Variants in TUT7 observed in about 807,000 individuals in gnomAD.
The protein encoded by TUT7 is terminal uridylyltransferase 7.
TUT7 carries 33 observed loss-of-function variants against 165.9 expected under a neutral mutation model. The observed-to-expected ratio is 0.20, with a 90% CI of 0.15 to 0.27. The LOEUF (loss-of-function observed/expected upper bound fraction) is 0.27. Among genes scored for constraint, TUT7 ranks in the 10% least tolerant of loss-of-function variants. The probability of loss-of-function intolerance (pLI) is 1.00; values close to 1 mark genes in which losing one functional copy is unlikely to be tolerated. For missense variants in TUT7, 1,338 were observed against 1,762.3 expected, an observed-to-expected ratio of 0.76 and a Z score of 4.31; for synonymous variants, 552 against 608.1, an observed-to-expected ratio of 0.91 and a Z score of 1.36.
At chr9:86,342,408 T>C (rs1756838913) in intron 6 of TUT7, among the ~76,000 whole-genome samples, 1 of 152,192 alleles carries the variant, frequency 6.6e-6, no homozygotes, top group African/African-American at 2.4e-5. Flanking sequence ...TTCAGTTTTT[T>C]GTTTTTTTAA....
rs960875330 is a variant in TUT7, at chr9:86,308,495, T to C, written c.3772A>G (p.Ile1258Val). 1.2e-6 allele frequency: 2 copies of C among 1,613,988 alleles called. No homozygotes were observed. Among genetic ancestry groups the C allele is most frequent in the African/African-American group, 2.7e-5 (2 of 74,916 alleles). ...EFDFKEHVIS[I>V]RRKSLLTTFK... ...GTTGTAAGCAGACTTTTTCTCCTGA[T>C]GCTAATAACATGTTCTTTAAAATCA... is the stretch of plus-strand genomic sequence containing the variant. The change falls in exon 22 of 27, where the codon ATC becomes GTC. Residue 1258 changes from isoleucine to valine, a missense_variant. By Grantham distance (29) the Ile-to-Val change is conservative. Transcript: ENST00000375963.
chr9:86,334,478 T>A (rs1272796777), intron 10 of TUT7, among the ~76,000 whole-genome samples: 2 of 152,330 alleles, frequency 1.3e-5, no homozygotes, highest in Non-Finnish European at 2.9e-5. Flanking sequence ...TTGGCTTCAG[T>A]GGCAGGATTC....
At chr9:86,328,318 C>T (rs1829986493) in intron 11 of TUT7, 22 bp downstream of exon 11, 1 of 1,540,738 alleles carries the variant, frequency 6.5e-7, no homozygotes, top group African/African-American at 1.4e-5. Flanking sequence ...AAACTGACAA[C>T]TAGAAACAAA....
intron 5 of TUT7, 38 bp from the exon 6 acceptor site, chr9:86,343,201 G>A: frequency 7.8e-7 from 1 of 1,275,558 alleles, no homozygotes; most frequent in Non-Finnish European, 1.1e-6. Flanking sequence ...AATAAATACA[G>A]TAGAATTTCT....
In TUT7 at chr9:86,353,071, A is replaced by G. The variant is rs1259010049; in HGVS notation, c.129T>C (p.His43=). Residue 43 remains histidine, a synonymous_variant, in exon 2 of 27, where the codon CAT becomes CAC. Transcript: ENST00000375963. ...YLIIDDHAKG[H]GSKMEKGLQK... The stretch of plus-strand genomic sequence containing the variant: ...GAAGGCCCTTTTCCATTTTACTGCC[A>G]TGGCCTTTAGCATGGTCATCTATTA... The G allele has an allele frequency of 6.2e-7, 1 of 1,614,156 alleles. No homozygotes were observed. Among genetic ancestry groups the G allele is most frequent in the Non-Finnish European group, 8.5e-7 (1 of 1,180,030 alleles).
chr9:86,336,156 C>G (rs575687912), intron 10 of TUT7, among the ~76,000 whole-genome samples: 1 of 152,220 alleles, frequency 6.6e-6, no homozygotes, highest in East Asian at 1.9e-4. Context: ...CCAACTTGTG[C>G]CAGGGTTTTT....
At position 86,307,726 on chromosome 9, in the gene TUT7, G is replaced by A. The variant is rs560614792; in HGVS notation, c.3838+703C>T. On this transcript the variant is annotated intron_variant, in intron 22 of 26. Coordinates refer to ENST00000375963, the MANE Select transcript of TUT7 (RefSeq NM_024617.4). The stretch of plus-strand genomic sequence containing the variant: ...AAAGATAAGGTGGCCAGGCGCAGTG[G>A]CTCACATCTGTAATCCCAGCACTTT... 9.8e-5 allele frequency among the ~76,000 whole-genome samples: 15 copies of A among 152,288 alleles called. No individual in the cohort carries two copies. The South Asian group carries it at 3.1e-3, about 32-fold the overall frequency.
intron 10 of TUT7, among the ~76,000 whole-genome samples, chr9:86,333,197 T>C (rs1412480652): frequency 2.6e-5 from 4 of 152,252 alleles, no homozygotes; most frequent in Non-Finnish European, 5.9e-5. Context: ...TCCAGTAGAT[T>C]GTGGCTCAGC....
At chr9:86,318,066 T>C (rs576096752) in intron 16 of TUT7, among the ~76,000 whole-genome samples, 1 of 152,302 alleles carries the variant, frequency 6.6e-6, no homozygotes, top group Admixed American at 6.5e-5. Flanking sequence ...ATCCTCAAAA[T>C]AGAAAGACTT....
At chr9:86,340,937 A>G in intron 7 of TUT7, 65 bp downstream of exon 7, 1 of 1,282,706 alleles carries the variant, frequency 7.8e-7, no homozygotes, top group East Asian at 2.3e-5. Flanking sequence ...TCAAAGTTTG[A>G]GAAATAAGAT....
rs1450950334 is a variant in TUT7 at position 86,288,047 on chromosome 9, T to C, written c.*630A>G. ...TTTCCTTACTTCATTTTTATAAGCA[T>C]AGTAGTTATATGTCAATTTACTTAA... On this transcript the variant is annotated 3_prime_UTR_variant, in exon 27 of 27. Coordinates refer to ENST00000375963, the MANE Select transcript of TUT7 (RefSeq NM_024617.4). The C allele has an allele frequency of 6.6e-6, 1 of 152,232 alleles. No homozygotes were observed. The highest frequency in any genetic ancestry group is 1.5e-5 in the Non-Finnish European group (1 of 68,046). 9.4% of individuals were successfully genotyped at this position (152,232 alleles called of 1,614,324 possible).
Position 86,323,852 on chromosome 9 carries a change from T to C in TUT7, c.1898A>G (p.His633Arg). 3 of 1,614,152 alleles carry C rather than the reference T, an allele frequency of 1.9e-6. No homozygotes were observed. The highest frequency in any genetic ancestry group is 1.3e-5 in the African/African-American group (1 of 75,056). ...TAGAAGGCTGGATTTTGTAATTTTG[T>C]GTGGAAGAGCAAAATACTTGTATGT... ...RTTYKYFALP[H>R]KITKSSLLKP... The change falls in exon 13 of 27, where the codon CAC becomes CGC. Residue 633 changes from histidine to arginine, a missense_variant. His to Arg is a conservative substitution (Grantham distance 29). Transcript: ENST00000375963.
At chr9:86,353,793 G>A (rs533984581) in intron 1 of TUT7, among the ~76,000 whole-genome samples, 46 of 152,120 alleles carry the variant, frequency 3.0e-4, no homozygotes, top group Non-Finnish European at 6.0e-4. Flanking sequence ...TCCGACCAAG[G>A]TGCAGCTGTA....
At chr9:86,304,983 A>G in intron 23 of TUT7, 36 bp from the exon 24 acceptor site, 1 of 1,454,414 alleles carries the variant, frequency 6.9e-7, no homozygotes, top group African/African-American at 1.4e-5. Flanking sequence ...TAGGCGGGTT[A>G]AAAGGAAAAG....
chr9:86,345,175 G>A, intron 4 of TUT7, 21 bp from the exon 5 acceptor site: 1 of 1,590,202 alleles, frequency 6.3e-7, no homozygotes, highest in Non-Finnish European at 8.6e-7. Flanking sequence ...CAAATGTTGA[G>A]ATTAAAAATG....
intron 6 of TUT7, among the ~76,000 whole-genome samples, chr9:86,341,492 A>G (rs937678041): frequency 6.6e-6 from 1 of 152,212 alleles, no homozygotes; most frequent in Non-Finnish European, 1.5e-5. Context: ...GTATCCTTAC[A>G]ACTCTCAATG....
At chr9:86,352,570 C>A in intron 2 of TUT7, 110 bp downstream of exon 2, 1 of 1,282,844 alleles carries the variant, frequency 7.8e-7, no homozygotes, top group Non-Finnish European at 1.1e-6. Flanking sequence ...AAAACAGAAA[C>A]TGTGAAAAAC....
At chr9:86,297,659 C>T (rs530709858) in intron 26 of TUT7, among the ~76,000 whole-genome samples, 1 of 152,130 alleles carries the variant, frequency 6.6e-6, no homozygotes, top group Non-Finnish European at 1.5e-5. Context: ...GAGACCACAT[C>T]TCTACAAATC....
intron 26 of TUT7, among the ~76,000 whole-genome samples, chr9:86,293,390 G>C (rs1001038458): frequency 6.6e-6 from 1 of 152,106 alleles, no homozygotes; most frequent in African/African-American, 2.4e-5. Context: ...AGGCTGTAGT[G>C]AGCTATAATT....
Sources: allele counts gnomAD v4.1 joint callset (sites outside exome capture counted in the v4.1 genomes callset), GRCh38; gene constraint gnomAD v4.1.1; transcripts MANE v1.5; gene names NCBI Gene and HGNC (gene_info 2026-07-23, HGNC 2026-07-21).